The following PHF20L1 variants were observed in gnomAD, a reference collection of about 807,000 sequenced individuals.
PHF20L1 encodes PHD finger protein 20-like protein 1.
A neutral mutation model predicts 125.5 loss-of-function variants in PHF20L1; 44 were observed. That is an observed-to-expected ratio of 0.35 (90% CI 0.28 to 0.45). PHF20L1 has a LOEUF of 0.45. PHF20L1 is among the 20% of genes least tolerant of loss of function. PHF20L1 has a pLI of 1.00. For synonymous variants in PHF20L1, 380 were observed against 403.1 expected, an observed-to-expected ratio of 0.94 and a Z score of 0.69; for missense variants, 1,012 against 1,217.2, an observed-to-expected ratio of 0.83 and a Z score of 2.51.
At chr8:132,813,607 A>G (rs1396873911) in intron 9 of PHF20L1, among the ~76,000 whole-genome samples, 1 of 152,030 alleles carries the variant, frequency 6.6e-6, no homozygotes, top group Non-Finnish European at 1.5e-5. Context: ...CATGTTGTTT[A>G]TAGTGCTAGC....
chr8:132,785,207 C>T (rs1414022979), intron 2 of PHF20L1, among the ~76,000 whole-genome samples: 1 of 152,152 alleles, frequency 6.6e-6, no homozygotes, highest in African/African-American at 2.4e-5. Flanking sequence ...TTACATCATT[C>T]CTGCCGAATG....
At position 132,777,827 on chromosome 8, in the gene PHF20L1, A is replaced by G; in HGVS notation, c.-2A>G. 1 of 1,606,920 alleles carries G rather than the reference A, an allele frequency of 6.2e-7. No individual in the cohort carries two copies. The highest frequency in any genetic ancestry group is 8.5e-7 in the Non-Finnish European group (1 of 1,173,522). ...GAGAATACTGAAGAATAGGATCTCA[A>G]GATGAGTAAAAAGCCCCCAAATCGC... On this transcript the variant is annotated 5_prime_UTR_variant, in exon 2 of 21. Coordinates refer to ENST00000395386, the MANE Select transcript of PHF20L1 (RefSeq NM_016018.5).
At chr8:132,807,703 C>G in intron 8 of PHF20L1, 1 of 455,114 alleles carries the variant, frequency 2.2e-6, no homozygotes, top group Non-Finnish European at 4.4e-6. Context: ...GGGCTCTGTT[C>G]TACTTATTCG....
chr8:132,779,280 C>T (rs1195056846), intron 2 of PHF20L1, among the ~76,000 whole-genome samples: 2 of 152,128 alleles, frequency 1.3e-5, no homozygotes, highest in African/African-American at 2.4e-5. Context: ...CAAAATGTCT[C>T]CAGACATTGC....
intron 2 of PHF20L1, chr8:132,788,672 C>T (rs1831332164): frequency 6.6e-6 from 1 of 151,814 alleles, no homozygotes; most frequent in Admixed American, 6.6e-5. Context: ...AGAATGAATT[C>T]CTTAAATGCA....
At chr8:132,776,087 T>C (rs1194216423) in intron 1 of PHF20L1, among the ~76,000 whole-genome samples, 1 of 152,210 alleles carries the variant, frequency 6.6e-6, no homozygotes, top group Non-Finnish European at 1.5e-5. Flanking sequence ...TTCCTTACTG[T>C]TTTTACTCCT....
At chr8:132,784,229 C>T (rs952459175) in intron 2 of PHF20L1, among the ~76,000 whole-genome samples, 2 of 151,938 alleles carry the variant, frequency 1.3e-5, no homozygotes, top group East Asian at 1.9e-4. Flanking sequence ...TATGTTAATT[C>T]GTTTTTTATA....
chr8:132,843,942 C>A (rs747795380), intron 19 of PHF20L1: 3 of 985,062 alleles, frequency 3.0e-6, no homozygotes, highest in Non-Finnish European at 3.6e-6. Flanking sequence ...TAGCACCATG[C>A]GAGGCATAGT....
intron 14 of PHF20L1, among the ~76,000 whole-genome samples, chr8:132,830,665 A>T (rs1027319368): frequency 2.0e-5 from 3 of 152,036 alleles, no homozygotes; most frequent in Non-Finnish European, 4.4e-5. Context: ...TATCTACCAC[A>T]TCTGCATGCT....
rs1380018240 is a variant in PHF20L1 at position 132,837,208 on chromosome 8, G to A, written c.2091+487G>A. On this transcript the variant is annotated intron_variant, in intron 16 of 20. Coordinates refer to ENST00000395386, the MANE Select transcript of PHF20L1 (RefSeq NM_016018.5). The stretch of plus-strand genomic sequence containing the variant: ...AAAAGGAAAGCATAACCCAAATTTT[G>A]TGATGCCAGAAGATTTGGAGATGTT... Among the ~76,000 whole-genome samples, 4 of 151,786 alleles carry A rather than the reference G, an allele frequency of 2.6e-5. No individual in the cohort carries two copies. In the East Asian group the frequency reaches 7.7e-4, roughly 29 times the overall value.
At chr8:132,828,694 G>A (rs1442447834) in intron 14 of PHF20L1, among the ~76,000 whole-genome samples, 1 of 152,046 alleles carries the variant, frequency 6.6e-6, no homozygotes, top group Non-Finnish European at 1.5e-5. Context: ...TGTATGAGAA[G>A]TCACCATGTT....
chr8:132,793,636 G>A (rs190689377), intron 2 of PHF20L1, among the ~76,000 whole-genome samples: 1 of 152,222 alleles, frequency 6.6e-6, no homozygotes. Context: ...GAATGACGAA[G>A]CAACTTTCCT....
intron 10 of PHF20L1, chr8:132,816,644 A>G (rs187302683): frequency 2.7e-6 from 1 of 371,166 alleles, no homozygotes. Flanking sequence ...CTTGAAATTA[A>G]TGTTCCATTT....
chr8:132,813,639 C>G (rs549217471), intron 9 of PHF20L1, among the ~76,000 whole-genome samples: 50 of 151,918 alleles, frequency 3.3e-4, no homozygotes, highest in African/African-American at 1.2e-3. Context: ...TTATAAAGGC[C>G]TATGGTAGAA....
rs191227496 is a variant in PHF20L1, at chr8:132,825,380, A to C, written c.1744+9A>C. The C allele has an allele frequency of 1.4e-6, 2 of 1,479,400 alleles. No homozygotes were observed. The highest frequency in any genetic ancestry group is 2.6e-5 in the Admixed American group (1 of 37,758). 91.6% of individuals were successfully genotyped at this position (1,479,400 alleles called of 1,614,324 possible). A position where few individuals can be genotyped will look rare whatever the true frequency, so the allele number is the denominator to read the frequency against. On this transcript the variant is annotated intron_variant, in intron 14 of 20. Coordinates refer to ENST00000395386, the MANE Select transcript of PHF20L1 (RefSeq NM_016018.5). The stretch of plus-strand genomic sequence containing the variant: ...GAAATCTAAGCAACATGGTAAGTAC[A>C]CTGAGATGATTATTCCCTCTTTTTT...
intron 2 of PHF20L1, among the ~76,000 whole-genome samples, chr8:132,792,859 TA>T (rs1831903056): frequency 6.6e-6 from 1 of 152,204 alleles, no homozygotes; most frequent in South Asian, 2.1e-4. Context: ...CTGAATGCTT[TA>T]TCTCCGTCTC....
intron 1 of PHF20L1, among the ~76,000 whole-genome samples, chr8:132,776,496 A>G (rs992050993): frequency 6.6e-6 from 1 of 152,142 alleles, no homozygotes; most frequent in Non-Finnish European, 1.5e-5. Flanking sequence ...ACCCTGGGCA[A>G]GCTCCCTGTT....
Position 132,846,102 on chromosome 8 carries a change from T to C in PHF20L1, c.*179T>C, listed in dbSNP as rs1174809709. ...TGAAGAACAACTTTATCAAGGAAGC[T>C]AGTATTTAAAAACAAATTCATGAGC... On this transcript the variant is annotated 3_prime_UTR_variant, in exon 21 of 21. Transcript: ENST00000395386. The C allele has an allele frequency of 3.8e-6, 2 of 520,336 alleles. No homozygotes were observed. Among genetic ancestry groups the C allele is most frequent in the African/African-American group, 1.9e-5 (1 of 52,788 alleles). The allele number at this position is 520,336 out of a possible 1,614,324, so 32.2% of individuals were successfully genotyped here. A position where few individuals can be genotyped will look rare whatever the true frequency, so the allele number is the denominator to read the frequency against.
At chr8:132,780,224 T>C (rs1043309511) in intron 2 of PHF20L1, among the ~76,000 whole-genome samples, 21 of 152,158 alleles carry the variant, frequency 1.4e-4, no homozygotes, top group African/African-American at 5.1e-4. Context: ...TAGTATTAGG[T>C]GGTGTGCTCT....
Sources: allele counts gnomAD v4.1 joint callset (sites outside exome capture counted in the v4.1 genomes callset), GRCh38; gene constraint gnomAD v4.1.1; transcripts MANE v1.5; gene names NCBI Gene and HGNC (gene_info 2026-07-23, HGNC 2026-07-21).